The following PRKG2 variants were observed in gnomAD, a reference collection of about 807,000 sequenced individuals.
PRKG2 encodes protein kinase cGMP-dependent 2, also known as cGMP-dependent protein kinase 2.
In PRKG2, 33 loss-of-function variants were observed where a neutral mutation model predicts 97.2. The ratio of observed to expected loss-of-function variants is 0.34; its 90% CI spans 0.26 to 0.45. The LOEUF is 0.45. Among genes scored for constraint, PRKG2 ranks in the 20% least tolerant of loss-of-function variants. The probability of loss-of-function intolerance (pLI) is 1.00; values close to 1 mark genes in which losing one functional copy is unlikely to be tolerated. For missense variants in PRKG2, 638 were observed against 900.0 expected, an observed-to-expected ratio of 0.71 and a Z score of 3.73; for synonymous variants, 330 against 321.8, an observed-to-expected ratio of 1.03 and a Z score of -0.27.
rs182543153 is a variant in PRKG2 at position 81,206,653 on chromosome 4, T to C, written c.-13-1593A>G. Among the ~76,000 whole-genome samples, 73 of 152,190 alleles carry C rather than the reference T, an allele frequency of 4.8e-4. 1 individual carries two copies. Among genetic ancestry groups the C allele is most frequent in the South Asian group, 3.1e-3 (15 of 4,820 alleles). On this transcript the variant is annotated intron_variant, in intron 1 of 18. Transcript: ENST00000264399. ...TTGAATTAGTTCTGATTATCTCAAA[T>C]CAGAAGAAATGAAACAGTTTTATAA...
At chr4:81,177,223 T>C (rs1376310402) in intron 2 of PRKG2, among the ~76,000 whole-genome samples, 4 of 152,184 alleles carry the variant, frequency 2.6e-5, no homozygotes, top group Non-Finnish European at 4.4e-5. Context: ...CTATTCTGCT[T>C]TTAAAATGTC....
chr4:81,100,125 A>G (rs1040331518), intron 17 of PRKG2, among the ~76,000 whole-genome samples: 9 of 151,664 alleles, frequency 5.9e-5, no homozygotes, highest in Middle Eastern at 3.2e-3. Context: ...TATCGTGAAA[A>G]TGGCCATACT....
At chr4:81,164,416 CT>C (rs1749814234) in intron 6 of PRKG2, among the ~76,000 whole-genome samples, 1 of 151,686 alleles carries the variant, frequency 6.6e-6, no homozygotes, top group Non-Finnish European at 1.5e-5. Flanking sequence ...TTTCAACTTT[CT>C]TATGGCTCTG....
chr4:81,157,790 G>A lies in PRKG2; in HGVS notation c.913-4069C>T, dbSNP rs1307254683. Among the ~76,000 whole-genome samples the A allele has an allele frequency of 8.7e-3, 1,316 of 150,926 alleles. 19 individuals are homozygous for A. The highest frequency in any genetic ancestry group is 0.03 in the African/African-American group (1,222 of 40,330). The stretch of plus-strand genomic sequence containing the variant: ...CTGGTTCAATATACACAAATCAATA[G>A]ATGTAATCCAGCATATAAACAGAAC... On this transcript the variant is annotated intron_variant, in intron 6 of 18. Transcript: ENST00000264399.
chr4:81,153,954 G>T, intron 6 of PRKG2: 1 of 349,134 alleles, frequency 2.9e-6, no homozygotes, highest in Non-Finnish European at 5.3e-6. Context: ...GCCTCACTCA[G>T]CAAGCACAAG....
At chr4:81,203,726 GCACA>G (rs147529509) in intron 2 of PRKG2, among the ~76,000 whole-genome samples, 3 of 150,330 alleles carry the variant, frequency 2.0e-5, no homozygotes, top group Non-Finnish European at 3.0e-5. Flanking sequence ...ACATGTGTGC[GCACA>G]CACACACACA....
At chr4:81,090,668 A>C (rs1336192896) in intron 18 of PRKG2, among the ~76,000 whole-genome samples, 1 of 152,236 alleles carries the variant, frequency 6.6e-6, no homozygotes, top group Non-Finnish European at 1.5e-5. Context: ...AAAAATCATT[A>C]AAAATATTAT....
At position 81,177,551 on chromosome 4, in the gene PRKG2, A is replaced by G. The variant is rs146250543; in HGVS notation, c.462-2592T>C. On this transcript the variant is annotated intron_variant, in intron 2 of 18. Coordinates refer to ENST00000264399, the MANE Select transcript of PRKG2 (RefSeq NM_006259.3). Reference sequence around the variant, plus strand: ...AAACCCCGTCTCTACTAATACAAAAAAATTAGCCGGGCATGGTGGTGGGTG... The same window carrying G: ...AAACCCCGTCTCTACTAATACAAAAGAATTAGCCGGGCATGGTGGTGGGTG... 3.8e-3 allele frequency among the ~76,000 whole-genome samples: 572 copies of G among 152,254 alleles called. 5 individuals are homozygous for G. The highest frequency in any genetic ancestry group is 0.013 in the African/African-American group (539 of 41,542).
In PRKG2 at chr4:81,174,938, A is replaced by C; in HGVS notation, c.483T>G (p.Asp161Glu). Residue 161 changes from aspartate to glutamate, a missense_variant, in exon 3 of 19, where the codon GAT becomes GAG. By Grantham distance (45) the Asp-to-Glu change is conservative (BLOSUM62 2). Around this residue, in one of 3 missense-constraint regions of PRKG2, gnomAD observed 332 missense variants for 421.7 expected, o/e 0.79. Coordinates refer to ENST00000264399, the MANE Select transcript of PRKG2 (RefSeq NM_006259.3). ...KDSSEKKLIT[D>E]ALNKNQFLKR... is the part of the protein sequence containing the mutation. ...TCAGAAACTGATTTTTATTAAGGGC[A>C]TCTGTAATGAGCTTCTTCTCACTGG... is the stretch of plus-strand genomic sequence containing the variant. 1 of 1,611,162 alleles carries C rather than the reference A, an allele frequency of 6.2e-7. No individual in the cohort carries two copies. The highest frequency in any genetic ancestry group is 8.5e-7 in the Non-Finnish European group (1 of 1,178,152).
chr4:81,202,826 T>C lies in PRKG2; in HGVS notation c.461+1761A>G, dbSNP rs563077204. Among the ~76,000 whole-genome samples the C allele has an allele frequency of 2.0e-5, 3 of 152,036 alleles. No individual in the cohort carries two copies. In the East Asian group the frequency reaches 5.8e-4, roughly 29 times the overall value. On this transcript the variant is annotated intron_variant, in intron 2 of 18. Coordinates refer to ENST00000264399, the MANE Select transcript of PRKG2 (RefSeq NM_006259.3). ...CTCAGATTTTTCAGCACCAGGAGCATGGTGTTTTGCCTCAAGATGAGCATA... is the reference window on the plus strand; with the variant it reads ...CTCAGATTTTTCAGCACCAGGAGCACGGTGTTTTGCCTCAAGATGAGCATA...
chr4:81,184,889 T>A (rs1751734077), intron 2 of PRKG2, among the ~76,000 whole-genome samples: 1 of 151,950 alleles, frequency 6.6e-6, no homozygotes, highest in Non-Finnish European at 1.5e-5. Context: ...AGAAAGGATA[T>A]CAGAGATTGA....
At chr4:81,161,946 C>T (rs867875011) in intron 6 of PRKG2, among the ~76,000 whole-genome samples, 2 of 151,146 alleles carry the variant, frequency 1.3e-5, no homozygotes, top group Admixed American at 1.3e-4. Context: ...GGGGGTGGGG[C>T]AGGGGACCAT....
At position 81,144,328 on chromosome 4, in the gene PRKG2, G is replaced by A; in HGVS notation, c.1157C>T (p.Thr386Ile). 6.2e-7 allele frequency: 1 copy of A among 1,602,698 alleles called. No individual in the cohort carries two copies. Among genetic ancestry groups the A allele is most frequent in the Non-Finnish European group, 8.5e-7 (1 of 1,170,194 alleles). ...DVACLVIDRETFNQTVGTFEE... is the reference protein window; with the variant it reads ...DVACLVIDREIFNQTVGTFEE... ...AAATGTACCGACAGTTTGGTTGAATGTTCTAAATAGATAGAATAAAGTAAA... is the reference window on the plus strand; with the variant it reads ...AAATGTACCGACAGTTTGGTTGAATATTCTAAATAGATAGAATAAAGTAAA... The change falls in exon 10 of 19, where the codon ACA (threonine) becomes ATA (isoleucine). Residue 386 changes from threonine to isoleucine, a missense_variant and splice_region_variant. Transcript: ENST00000264399.
chr4:81,100,061 A>C (rs1578333987), intron 17 of PRKG2, among the ~76,000 whole-genome samples: 1 of 151,868 alleles, frequency 6.6e-6, no homozygotes, highest in Admixed American at 6.6e-5. Context: ...ATGAAATAAA[A>C]GAGGATACAA....
In PRKG2 at chr4:81,202,576, C is replaced by T. The variant is rs569469201; in HGVS notation, c.461+2011G>A. Among the ~76,000 whole-genome samples the T allele has an allele frequency of 6.6e-5, 10 of 152,144 alleles. No homozygotes were observed. The East Asian group carries it at 1.4e-3, about 21-fold the overall frequency. On this transcript the variant is annotated intron_variant, in intron 2 of 18. Transcript: ENST00000264399. ...AATTAGCCCATTTCTTTATCCTGACCACAACACAGACTTGTATCCACTTGG... is the reference window on the plus strand; with the variant it reads ...AATTAGCCCATTTCTTTATCCTGACTACAACACAGACTTGTATCCACTTGG...
chr4:81,106,898 T>C (rs1253704544), intron 15 of PRKG2, among the ~76,000 whole-genome samples: 3 of 152,196 alleles, frequency 2.0e-5, no homozygotes, highest in Non-Finnish European at 2.9e-5. Context: ...ATTAGGATGC[T>C]CACCATAACA....
In PRKG2 at chr4:81,194,923, C is replaced by CATATATAT. The variant is rs35157306; in HGVS notation, c.461+9656_461+9663dup. On this transcript the variant is annotated intron_variant, in intron 2 of 18. Transcript: ENST00000264399. ...AATCAGCAGGGGAGCTTTTAATATA[C>CATATATAT]ATATATATATATACGCACCTATAAT... 9.2e-3 allele frequency among the ~76,000 whole-genome samples: 1,388 copies of CATATATAT among 151,308 alleles called. 17 individuals are homozygous for CATATATAT. Among genetic ancestry groups the CATATATAT allele is most frequent in the African/African-American group, 0.032 (1,307 of 41,144 alleles).
chr4:81,109,561 G>A (rs1034810119), intron 15 of PRKG2, among the ~76,000 whole-genome samples: 2 of 151,490 alleles, frequency 1.3e-5, no homozygotes, highest in African/African-American at 4.9e-5. Flanking sequence ...CTAGTATTAT[G>A]TTACTGATCT....
chr4:81,150,043 G>A (rs2110054544), intron 8 of PRKG2, among the ~76,000 whole-genome samples: 1 of 152,260 alleles, frequency 6.6e-6, no homozygotes, highest in East Asian at 1.9e-4. Flanking sequence ...GGACCTTTGA[G>A]ACAGCAGCAG....
Sources: allele counts gnomAD v4.1 joint callset (sites outside exome capture counted in the v4.1 genomes callset), GRCh38; gene constraint gnomAD v4.1.1; regional missense constraint gnomAD v4.1.1; transcripts MANE v1.5; gene names NCBI Gene and HGNC (gene_info 2026-07-23, HGNC 2026-07-21).